Variants in ITGA9 observed in about 807,000 individuals in gnomAD.
ITGA9 encodes the protein integrin alpha-9.
Under a neutral mutation model 127.8 loss-of-function variants are expected in ITGA9, and 56 were observed. That is an observed-to-expected ratio of 0.44 (90% CI 0.35 to 0.55). ITGA9 has a LOEUF of 0.55. Among genes scored for constraint, ITGA9 ranks in the 20% least tolerant of loss-of-function variants. The pLI, the probability that ITGA9 is intolerant of heterozygous loss-of-function variation, is 0.00. For missense variants in ITGA9, 1,196 were observed against 1,347.1 expected, an observed-to-expected ratio of 0.89 and a Z score of 1.76; for synonymous variants, 508 against 514.5, an observed-to-expected ratio of 0.99 and a Z score of 0.17.
intron 18 of ITGA9, among the ~76,000 whole-genome samples, chr3:37,699,130 G>T (rs1311747480): frequency 1.3e-5 from 2 of 152,104 alleles, no homozygotes; most frequent in African/African-American, 4.8e-5. Flanking sequence ...GAGCCTCAGG[G>T]TGCGGTCCTG....
At position 37,667,897 on chromosome 3, in the gene ITGA9, G is replaced by A. The variant is rs75340899; in HGVS notation, c.1916+14107G>A. Among the ~76,000 whole-genome samples the A allele has an allele frequency of 1.9e-3, 293 of 152,312 alleles. 2 individuals are homozygous for A. Among genetic ancestry groups the A allele is most frequent in the African/African-American group, 6.8e-3 (284 of 41,548 alleles). On this transcript the variant is annotated intron_variant, in intron 17 of 27. Transcript: ENST00000264741. Reference sequence around the variant, plus strand: ...TGGGCCCTCACTTTAAATAACCATTGCAGCTTGGGGAACCTGGCCTGTCTT... The same window carrying A: ...TGGGCCCTCACTTTAAATAACCATTACAGCTTGGGGAACCTGGCCTGTCTT...
intron 17 of ITGA9, among the ~76,000 whole-genome samples, chr3:37,674,261 G>A (rs1413970406): frequency 6.6e-6 from 1 of 152,218 alleles, no homozygotes; most frequent in Non-Finnish European, 1.5e-5. Flanking sequence ...TCTCAGATAT[G>A]GCAGTAGACT....
chr3:37,743,966 G>A lies in ITGA9; in HGVS notation c.2365G>A (p.Asp789Asn), dbSNP rs573337942. ...PTSFVYGESV[D>N]AANFIQLDDL... is the part of the protein sequence containing the mutation. ...CTCCTTTGTATATGGCGAGTCCGTG[G>A]ACGCAGCCAACTTCATTCAGCTGGA... Residue 789 changes from aspartate to asparagine, a missense_variant, in exon 22 of 28, where the codon GAC becomes AAC. Asp to Asn is a conservative substitution (Grantham distance 23). Transcript: ENST00000264741. 2.9e-5 allele frequency: 47 copies of A among 1,614,158 alleles called. No homozygotes were observed. The South Asian group carries it at 4.9e-4, about 17-fold the overall frequency.
chr3:37,662,823 G>A (rs914865559), intron 17 of ITGA9, among the ~76,000 whole-genome samples: 2 of 152,224 alleles, frequency 1.3e-5, no homozygotes, highest in African/African-American at 4.8e-5. Context: ...TCTGATGACT[G>A]TGTAGACAGT....
intron 26 of ITGA9, among the ~76,000 whole-genome samples, chr3:37,787,686 T>C (rs992299263): frequency 1.3e-5 from 2 of 152,224 alleles, no homozygotes; most frequent in Non-Finnish European, 2.9e-5. Flanking sequence ...AAACACGATC[T>C]TCCCTGCGTG....
At chr3:37,582,351 C>A (rs949182405) in intron 15 of ITGA9, among the ~76,000 whole-genome samples, 1 of 152,172 alleles carries the variant, frequency 6.6e-6, no homozygotes, top group Non-Finnish European at 1.5e-5. Context: ...GATTTTATTT[C>A]TCTGGCCCTG....
chr3:37,502,111 G>A (rs922975203), intron 5 of ITGA9, among the ~76,000 whole-genome samples: 6 of 152,096 alleles, frequency 3.9e-5, no homozygotes, highest in African/African-American at 1.4e-4. Context: ...GTTGTTGTCA[G>A]CATTGGTGAT....
intron 16 of ITGA9, among the ~76,000 whole-genome samples, chr3:37,632,188 T>A (rs554467461): frequency 1.9e-4 from 29 of 152,324 alleles, no homozygotes; most frequent in Admixed American, 9.2e-4. Flanking sequence ...GAGATTATTT[T>A]AAAAAATTTT....
At position 37,540,524 on chromosome 3, in the gene ITGA9, G is replaced by C. The variant is rs116298161; in HGVS notation, c.1529-1901G>C. 5.9e-3 allele frequency among the ~76,000 whole-genome samples: 903 copies of C among 152,308 alleles called. 5 individuals carry two copies. Among genetic ancestry groups the C allele is most frequent in the South Asian group, 0.012 (57 of 4,830 alleles). On this transcript the variant is annotated intron_variant, in intron 14 of 27. Transcript: ENST00000264741. ...AAATGGGAGGTTTTGGTCAAGTAATGTACAACATGCAGCAAGAACAAGTGT... is the reference window on the plus strand; with the variant it reads ...AAATGGGAGGTTTTGGTCAAGTAATCTACAACATGCAGCAAGAACAAGTGT...
chr3:37,777,430 C>T lies in ITGA9; in HGVS notation c.2580C>T (p.Asn860=), dbSNP rs778579106. 3 of 1,614,122 alleles carry T rather than the reference C, an allele frequency of 1.9e-6. No individual in the cohort carries two copies. Among genetic ancestry groups the T allele is most frequent in the African/African-American group, 2.7e-5 (2 of 75,056 alleles). The part of the protein sequence containing the change: ...QEKGNCSFQK[N]PTPCIIPQEQ... ...AGGGAAACTGCTCTTTCCAGAAAAA[C>T]CCAACTCCCTGCATCATCCCTCAAG... is the stretch of plus-strand genomic sequence containing the variant. Residue 860 remains asparagine, a synonymous_variant, in exon 24 of 28, where the codon AAC becomes AAT. Coordinates refer to ENST00000264741, the MANE Select transcript of ITGA9 (RefSeq NM_002207.3).
rs921409453 is a variant in ITGA9, at chr3:37,819,233, C to T, written c.*244C>T. ...AACTTTGGAGAGTGAGCTACAGAGCCGAGCAATATTTATGGATGCAACACG... is the reference window on the plus strand; with the variant it reads ...AACTTTGGAGAGTGAGCTACAGAGCTGAGCAATATTTATGGATGCAACACG... On this transcript the variant is annotated 3_prime_UTR_variant, in exon 28 of 28. Coordinates refer to ENST00000264741, the MANE Select transcript of ITGA9 (RefSeq NM_002207.3). The T allele has an allele frequency of 5.4e-5, 31 of 572,716 alleles. No individual in the cohort carries two copies. In the Admixed American group the frequency reaches 6.0e-4, roughly 11 times the overall value. 35.5% of individuals were successfully genotyped at this position (572,716 alleles called of 1,614,324 possible). A position where few individuals can be genotyped will look rare whatever the true frequency, so the allele number is the denominator to read the frequency against.
chr3:37,610,934 AT>A (rs1280671032), intron 15 of ITGA9, among the ~76,000 whole-genome samples: 2 of 152,234 alleles, frequency 1.3e-5, no homozygotes, highest in African/African-American at 4.8e-5. Flanking sequence ...GAGCTTAAAG[AT>A]GCTTAAAATA....
intron 18 of ITGA9, among the ~76,000 whole-genome samples, chr3:37,731,248 C>T (rs1480163856): frequency 6.6e-6 from 1 of 152,104 alleles, no homozygotes; most frequent in Non-Finnish European, 1.5e-5. Flanking sequence ...GACGGAGTCT[C>T]GCACTCTCGC....
chr3:37,784,097 T>C lies in ITGA9; in HGVS notation c.2788-880T>C, dbSNP rs549978949. 1.3e-4 allele frequency among the ~76,000 whole-genome samples: 20 copies of C among 152,322 alleles called. No individual in the cohort carries two copies. The East Asian group carries it at 3.9e-3, about 29-fold the overall frequency. ...CAAGACACCTTGCCTGTGGAGCCCC[T>C]CCTGCCCCACAGGTAGAATGTTGAA... is the stretch of plus-strand genomic sequence containing the variant. On this transcript the variant is annotated intron_variant, in intron 25 of 27. Transcript: ENST00000264741.
At chr3:37,724,321 C>A (rs1361929558) in intron 18 of ITGA9, among the ~76,000 whole-genome samples, 1 of 152,154 alleles carries the variant, frequency 6.6e-6, no homozygotes, top group Non-Finnish European at 1.5e-5. Flanking sequence ...CCTAGAGTCA[C>A]CTTTTTTGAT....
chr3:37,691,888 G>A (rs1017084623), intron 18 of ITGA9, among the ~76,000 whole-genome samples: 1 of 152,146 alleles, frequency 6.6e-6, no homozygotes, highest in Non-Finnish European at 1.5e-5. Flanking sequence ...TTTGCTGGCT[G>A]GAATATTTGT....
At chr3:37,544,374 T>G (rs1328875116) in intron 15 of ITGA9, among the ~76,000 whole-genome samples, 1 of 152,190 alleles carries the variant, frequency 6.6e-6, no homozygotes, top group Non-Finnish European at 1.5e-5. Context: ...GAACTCCTAA[T>G]TAAATCTGAA....
At chr3:37,468,146 C>T (rs993492608) in intron 1 of ITGA9, among the ~76,000 whole-genome samples, 1 of 152,076 alleles carries the variant, frequency 6.6e-6, no homozygotes, top group Non-Finnish European at 1.5e-5. Flanking sequence ...CTTGGGAATT[C>T]TGCAGTTGTG....
chr3:37,511,281 A>G (rs931787818), intron 8 of ITGA9, among the ~76,000 whole-genome samples: 1 of 152,262 alleles, frequency 6.6e-6, no homozygotes, highest in Non-Finnish European at 1.5e-5. Context: ...ACATGTGTGC[A>G]GTTCAGATGT....
Sources: gnomAD v4.1 joint callset for allele counts (sites outside exome capture counted in the v4.1 genomes callset) on GRCh38, gnomAD v4.1.1 for gene constraint, MANE v1.5 for transcripts, NCBI Gene and HGNC (gene_info 2026-07-23, HGNC 2026-07-21) for gene names.